DNM2: variants seen among roughly 807,000 people sequenced by gnomAD.
The protein encoded by DNM2 is dynamin-2.
DNM2 carries 15 observed loss-of-function variants against 99.0 expected under a neutral mutation model. The ratio of observed to expected loss-of-function variants is 0.15; its 90% CI spans 0.10 to 0.23. The LOEUF (loss-of-function observed/expected upper bound fraction) is 0.23. Ranked by LOEUF, DNM2 falls within the 10% of genes least tolerant of loss-of-function variation. The probability of loss-of-function intolerance (pLI) is 1.00; values close to 1 mark genes in which losing one functional copy is unlikely to be tolerated. For missense variants in DNM2, 742 were observed against 1,189.4 expected (o/e 0.62, Z 5.53); for synonymous variants, 525 against 481.2 (o/e 1.09, Z -1.19).
rs916275362 is a variant in DNM2, at chr19:10,760,176, G to T, written c.235+365G>T. 5.9e-5 allele frequency among the ~76,000 whole-genome samples: 9 copies of T among 151,546 alleles called. No individual in the cohort carries two copies. In the South Asian group the frequency reaches 1.0e-3, roughly 18 times the overall value. On this transcript the variant is annotated intron_variant, in intron 2 of 20. Coordinates refer to ENST00000389253, the MANE Select transcript of DNM2 (RefSeq NM_001005361.3). The stretch of plus-strand genomic sequence containing the variant: ...AGCCTCCCAAGTAGCTGGGATTACA[G>T]GTGTGACCCTCCATGGCCAGCTTTT...
At chr19:10,733,043 C>T (rs1260218552) in intron 1 of DNM2, among the ~76,000 whole-genome samples, 1 of 151,904 alleles carries the variant, frequency 6.6e-6, no homozygotes, top group Non-Finnish European at 1.5e-5. Context: ...GTCACCATGC[C>T]CAGCTAATTT....
rs1044524051 is a variant in DNM2 at position 10,731,633 on chromosome 19, C to T, written c.161+13230C>T. On this transcript the variant is annotated intron_variant, in intron 1 of 20. Coordinates refer to ENST00000389253, the MANE Select transcript of DNM2 (RefSeq NM_001005361.3). ...CCTCCCAAGGCTCTGGGATTACAGG[C>T]GTGAGCCGCCGTGCCCGGCCCCCAG... Among the ~76,000 whole-genome samples the T allele has an allele frequency of 3.9e-5, 6 of 152,222 alleles. No homozygotes were observed. In the East Asian group the frequency reaches 5.8e-4, roughly 15 times the overall value.
intron 1 of DNM2, among the ~76,000 whole-genome samples, chr19:10,731,891 G>A (rs2069333292): frequency 6.6e-6 from 1 of 152,198 alleles, no homozygotes; most frequent in East Asian, 1.9e-4. Flanking sequence ...TGCTTTCTGA[G>A]GTGGGGAGGC....
In DNM2 at chr19:10,795,632, G is replaced by A. The variant is rs570953216; in HGVS notation, c.1196+193G>A. The stretch of plus-strand genomic sequence containing the variant: ...GAGGGTGGATGTGTCTTAGTCCTGC[G>A]TCCATTGCAGGCTTCAGGGCTGTCT... On this transcript the variant is annotated intron_variant, in intron 9 of 20. Coordinates refer to ENST00000389253, the MANE Select transcript of DNM2 (RefSeq NM_001005361.3). This position sits in a 1 kb window ranked among gnomAD's most constrained non-coding sequence, Gnocchi z 4.2. 1.9e-4 allele frequency: 122 copies of A among 645,362 alleles called. No individual in the cohort carries two copies. The highest frequency in any genetic ancestry group is 1.6e-3 in the African/African-American group (91 of 55,438). The allele number at this position is 645,362 out of a possible 1,614,324, so 40.0% of individuals were successfully genotyped here.
Position 10,830,423 on chromosome 19 carries a change from G to T in DNM2, c.2543+45G>T, listed in dbSNP as rs958456791. The T allele has an allele frequency of 1.9e-5, 30 of 1,594,528 alleles. 1 individual carries two copies. Among genetic ancestry groups the T allele is most frequent in the Non-Finnish European group, 2.6e-5 (30 of 1,173,648 alleles). On this transcript the variant is annotated intron_variant, in intron 20 of 20. Coordinates refer to ENST00000389253, the MANE Select transcript of DNM2 (RefSeq NM_001005361.3). This position sits in a 1 kb window ranked among gnomAD's most constrained non-coding sequence, Gnocchi z 4.8. ...CTCCACCCCAACTGCCTGCACCCTG[G>T]GGTCTCTCCTCCTGTCTCACTTCCT...
At position 10,820,197 on chromosome 19, in the gene DNM2, C is replaced by A; in HGVS notation, c.1781+108C>A. 9.6e-7 allele frequency: 1 copy of A among 1,043,004 alleles called. No homozygotes were observed. Among genetic ancestry groups the A allele is most frequent in the Non-Finnish European group, 1.5e-6 (1 of 677,000 alleles). 64.6% of individuals were successfully genotyped at this position (1,043,004 alleles called of 1,614,324 possible). ...AGCACCTGGCTGTCAGCAGTCCCTGCCCTTGGGACCCAGCTTTTAGAAAGG... is the reference window on the plus strand; with the variant it reads ...AGCACCTGGCTGTCAGCAGTCCCTGACCTTGGGACCCAGCTTTTAGAAAGG... On this transcript the variant is annotated intron_variant, in intron 16 of 20. Transcript: ENST00000389253. This position sits in a 1 kb window ranked among gnomAD's most constrained non-coding sequence, Gnocchi z 4.3.
intron 1 of DNM2, among the ~76,000 whole-genome samples, chr19:10,737,673 C>T (rs533820599): frequency 9.2e-5 from 14 of 152,190 alleles, no homozygotes; most frequent in Non-Finnish European, 1.6e-4. Flanking sequence ...TTAGTAGAGA[C>T]GAGGTTTCAC....
At chr19:10,729,995 T>C (rs2069255156) in intron 1 of DNM2, among the ~76,000 whole-genome samples, 1 of 152,034 alleles carries the variant, frequency 6.6e-6, no homozygotes, top group Non-Finnish European at 1.5e-5. Flanking sequence ...CCTGAGTACC[T>C]GGGACAACAA....
intron 2 of DNM2, among the ~76,000 whole-genome samples, chr19:10,770,265 C>T (rs565084931): frequency 1.7e-4 from 26 of 152,288 alleles, no homozygotes; most frequent in African/African-American, 5.1e-4. Context: ...GTGTTATTCA[C>T]GTCGCCAGGT....
chr19:10,747,274 A>G (rs974592542), intron 1 of DNM2, among the ~76,000 whole-genome samples: 5 of 152,144 alleles, frequency 3.3e-5, no homozygotes, highest in Admixed American at 1.3e-4. Flanking sequence ...TCATTCCCAC[A>G]TAACAGATTG....
At chr19:10,720,581 C>G (rs2068906507) in intron 1 of DNM2, among the ~76,000 whole-genome samples, 1 of 151,904 alleles carries the variant, frequency 6.6e-6, no homozygotes, top group South Asian at 2.1e-4. Flanking sequence ...AAAAATTAGC[C>G]AGGTAGGGTG....
chr19:10,745,587 C>A (rs2069936637), intron 1 of DNM2, among the ~76,000 whole-genome samples: 1 of 152,144 alleles, frequency 6.6e-6, no homozygotes, highest in African/African-American at 2.4e-5. Flanking sequence ...GTCCGAGCTA[C>A]TCAGGAGGCT....
At chr19:10,725,445 C>CA (rs35718224) in intron 1 of DNM2, among the ~76,000 whole-genome samples, 6,297 of 83,616 alleles carry the variant, frequency 0.075, 176 homozygotes, top group African/African-American at 0.1. Flanking sequence ...GACTCCATCT[C>CA]AAAAAAAAAA....
intron 1 of DNM2, among the ~76,000 whole-genome samples, chr19:10,737,447 C>A (rs1265671290): frequency 6.6e-6 from 1 of 152,112 alleles, no homozygotes; most frequent in Admixed American, 6.6e-5. Context: ...TTTCTTGGAA[C>A]CACTTGTCAT....
At position 10,830,839 on chromosome 19, in the gene DNM2, C is replaced by G; in HGVS notation, c.2544-139C>G. 1.9e-6 allele frequency: 2 copies of G among 1,076,242 alleles called. No individual in the cohort carries two copies. The highest frequency in any genetic ancestry group is 3.5e-5 in the South Asian group (2 of 57,496). 66.7% of individuals were successfully genotyped at this position (1,076,242 alleles called of 1,614,324 possible). On this transcript the variant is annotated intron_variant, in intron 20 of 20. Coordinates refer to ENST00000389253, the MANE Select transcript of DNM2 (RefSeq NM_001005361.3). This position sits in a 1 kb window ranked among gnomAD's most constrained non-coding sequence, Gnocchi z 4.8. ...AGGTTTGGCACTCCTGCCCGACACCCTGGTGGCTTGCGGAGGTCAGCCTGG... is the reference window on the plus strand; with the variant it reads ...AGGTTTGGCACTCCTGCCCGACACCGTGGTGGCTTGCGGAGGTCAGCCTGG...
At chr19:10,823,920 G>A (rs1329851989) in intron 17 of DNM2, 21 bp downstream of exon 17, 1 of 1,610,008 alleles carries the variant, frequency 6.2e-7, no homozygotes, top group South Asian at 1.1e-5. Context: ...GTCCTGCGCA[G>A]CCAGGCCCAG....
rs1315393563 is a variant in DNM2 at position 10,817,435 on chromosome 19, A to G, written c.1672-2545A>G. The G allele has an allele frequency of 3.9e-6, 2 of 514,994 alleles. No homozygotes were observed. The highest frequency in any genetic ancestry group is 8.0e-6 in the Non-Finnish European group (2 of 250,580). 31.9% of individuals were successfully genotyped at this position (514,994 alleles called of 1,614,324 possible). A position where few individuals can be genotyped will look rare whatever the true frequency, so the allele number is the denominator to read the frequency against. On this transcript the variant is annotated intron_variant, in intron 15 of 20. Coordinates refer to ENST00000389253, the MANE Select transcript of DNM2 (RefSeq NM_001005361.3). This position sits in a 1 kb window ranked among gnomAD's most constrained non-coding sequence, Gnocchi z 4.6. ...CGCTCACCCAAGCCCAGCCTAACCAATGTGCAGACTACTGTACACATTGAG... is the reference window on the plus strand; with the variant it reads ...CGCTCACCCAAGCCCAGCCTAACCAGTGTGCAGACTACTGTACACATTGAG...
At chr19:10,828,962 T>C in intron 18 of DNM2, 74 bp from the exon 19 acceptor site, 1 of 1,492,358 alleles carries the variant, frequency 6.7e-7, no homozygotes, top group East Asian at 2.4e-5. Flanking sequence ...GTGAGAGATG[T>C]TTTTCCAGCA....
intron 18 of DNM2, among the ~76,000 whole-genome samples, chr19:10,828,022 C>T (rs1264657387): frequency 1.3e-5 from 2 of 152,086 alleles, no homozygotes. Context: ...CAGTGGCTCA[C>T]TCACGCCTGT....
Sources: allele counts gnomAD v4.1 joint callset (sites outside exome capture counted in the v4.1 genomes callset), GRCh38; gene constraint gnomAD v4.1.1; non-coding constraint Gnocchi (gnomAD v3.1); transcripts MANE v1.5; gene names NCBI Gene and HGNC (gene_info 2026-07-23, HGNC 2026-07-21).